The following PIK3AP1 variants were observed in gnomAD, a reference collection of about 807,000 sequenced individuals.
PIK3AP1 encodes the protein phosphoinositide-3-kinase adaptor protein 1.
A neutral mutation model predicts 88.1 loss-of-function variants in PIK3AP1; 21 were observed. That is an observed-to-expected ratio of 0.24 (90% CI 0.17 to 0.34). The LOEUF (loss-of-function observed/expected upper bound fraction) is 0.34, where lower values mean the gene tolerates loss of function less well. Ranked by LOEUF, PIK3AP1 falls within the 10% of genes least tolerant of loss-of-function variation. PIK3AP1 has a pLI of 1.00. For synonymous variants in PIK3AP1, 398 were observed against 400.0 expected, an observed-to-expected ratio of 1.00 and a Z score of 0.06; for missense variants, 828 against 1,035.7, an observed-to-expected ratio of 0.80 and a Z score of 2.75.
At chr10:96,666,411 T>G (rs1843762778) in intron 2 of PIK3AP1, among the ~76,000 whole-genome samples, 1 of 152,082 alleles carries the variant, frequency 6.6e-6, no homozygotes. Flanking sequence ...AGAGTGAGAC[T>G]CCATCTCAAA....
At chr10:96,696,870 C>A (rs1844228216) in intron 2 of PIK3AP1, among the ~76,000 whole-genome samples, 1 of 152,070 alleles carries the variant, frequency 6.6e-6, no homozygotes. Flanking sequence ...ACTACCATAC[C>A]TTGATAGGAT....
intron 3 of PIK3AP1, among the ~76,000 whole-genome samples, chr10:96,654,459 G>A (rs1843587453): frequency 6.6e-6 from 1 of 152,170 alleles, no homozygotes; most frequent in Non-Finnish European, 1.5e-5. Flanking sequence ...TGATGTGGGG[G>A]GTGATCCTGG....
At chr10:96,699,121 T>A (rs1465643465) in intron 2 of PIK3AP1, among the ~76,000 whole-genome samples, 2 of 152,006 alleles carry the variant, frequency 1.3e-5, no homozygotes, top group Non-Finnish European at 2.9e-5. Flanking sequence ...GAGGTGGAGG[T>A]TGCAGTCAGC....
chr10:96,612,408 A>G (rs761110588), intron 13 of PIK3AP1, among the ~76,000 whole-genome samples: 29 of 152,186 alleles, frequency 1.9e-4, no homozygotes, highest in Non-Finnish European at 4.1e-4. Flanking sequence ...ACCCAAATTA[A>G]AGATTACTAT....
At chr10:96,697,308 G>T (rs1028183134) in intron 2 of PIK3AP1, among the ~76,000 whole-genome samples, 6 of 152,144 alleles carry the variant, frequency 3.9e-5, no homozygotes, top group African/African-American at 1.4e-4. Flanking sequence ...TGAAGCTAAG[G>T]AAAAAGGCCA....
At chr10:96,663,629 A>C (rs924059028) in intron 2 of PIK3AP1, among the ~76,000 whole-genome samples, 1 of 100,370 alleles carries the variant, frequency 1.0e-5, no homozygotes, top group South Asian at 3.0e-4. Context: ...GACTCCGTCA[A>C]AAAAAAAAAA....
chr10:96,608,089 T>A (rs1849033351), intron 14 of PIK3AP1, among the ~76,000 whole-genome samples: 1 of 152,174 alleles, frequency 6.6e-6, no homozygotes, highest in Non-Finnish European at 1.5e-5. Context: ...AGTTTATTCT[T>A]CCCATCTTCT....
At chr10:96,681,994 GTATATATA>G (rs201677363) in intron 2 of PIK3AP1, among the ~76,000 whole-genome samples, 3 of 147,084 alleles carry the variant, frequency 2.0e-5, no homozygotes, top group Non-Finnish European at 3.0e-5. Context: ...ATATGTGTGT[GTATATATA>G]TATATATATA....
intron 8 of PIK3AP1, among the ~76,000 whole-genome samples, chr10:96,632,394 G>A (rs892786931): frequency 1.5e-4 from 22 of 148,228 alleles, no homozygotes; most frequent in Non-Finnish European, 2.1e-4. Flanking sequence ...CTCTCTAAAA[G>A]TATTTCAAAA....
chr10:96,613,434 C>T (rs938991045), intron 13 of PIK3AP1, among the ~76,000 whole-genome samples: 1 of 152,132 alleles, frequency 6.6e-6, no homozygotes, highest in Non-Finnish European at 1.5e-5. Context: ...TTGCCGTCCC[C>T]GGTCATTCTT....
At chr10:96,597,184 G>A (rs1848770992) in intron 16 of PIK3AP1, among the ~76,000 whole-genome samples, 1 of 151,906 alleles carries the variant, frequency 6.6e-6, no homozygotes, top group Non-Finnish European at 1.5e-5. Flanking sequence ...GGGGTTATAG[G>A]AGAAAGCCAA....
At chr10:96,675,937 A>G (rs954699425) in intron 2 of PIK3AP1, among the ~76,000 whole-genome samples, 3 of 152,242 alleles carry the variant, frequency 2.0e-5, no homozygotes, top group African/African-American at 7.2e-5. Context: ...GACATGGCCT[A>G]AAACCATAGT....
chr10:96,596,890 T>G (rs1848762851), intron 16 of PIK3AP1, among the ~76,000 whole-genome samples: 1 of 152,186 alleles, frequency 6.6e-6, no homozygotes, highest in South Asian at 2.1e-4. Context: ...GTTGCATACT[T>G]GAGGATTGAT....
intron 7 of PIK3AP1, among the ~76,000 whole-genome samples, chr10:96,648,029 C>T (rs1473914009): frequency 1.3e-5 from 2 of 152,186 alleles, no homozygotes; most frequent in Non-Finnish European, 2.9e-5. Context: ...CTGGGCATAC[C>T]TGCCTGTCTT....
At chr10:96,639,570 C>G (rs1843357506) in intron 8 of PIK3AP1, among the ~76,000 whole-genome samples, 1 of 152,102 alleles carries the variant, frequency 6.6e-6, no homozygotes, top group Non-Finnish European at 1.5e-5. Flanking sequence ...TCCCTATGTC[C>G]CCAACATAGT....
At chr10:96,624,108 G>A (rs540612160) in intron 10 of PIK3AP1, among the ~76,000 whole-genome samples, 10 of 152,278 alleles carry the variant, frequency 6.6e-5, no homozygotes, top group African/African-American at 2.2e-4. Context: ...CTAGCTCTGT[G>A]GCTTGTGAAC....
At chr10:96,609,654 A>T in intron 14 of PIK3AP1, 58 bp downstream of exon 14, 1 of 1,575,978 alleles carries the variant, frequency 6.3e-7, no homozygotes, top group South Asian at 1.1e-5. Context: ...CTAAGGTCCA[A>T]GGGTGCCAGC....
intron 2 of PIK3AP1, among the ~76,000 whole-genome samples, chr10:96,688,992 T>C (rs2134271675): frequency 6.6e-6 from 1 of 152,154 alleles, no homozygotes; most frequent in South Asian, 2.1e-4. Context: ...ATTTCCATAG[T>C]TTCTCCAAAT....
chr10:96,630,569 T>G (rs1843230898), intron 8 of PIK3AP1, among the ~76,000 whole-genome samples: 1 of 151,996 alleles, frequency 6.6e-6, no homozygotes, highest in South Asian at 2.1e-4. Context: ...GCACAGGGTA[T>G]CACACCTGTA....
Sources: gnomAD v4.1 joint callset for allele counts (sites outside exome capture counted in the v4.1 genomes callset) on GRCh38, gnomAD v4.1.1 for gene constraint, MANE v1.5 for transcripts, NCBI Gene and HGNC (gene_info 2026-07-23, HGNC 2026-07-21) for gene names.